MACROD2: variants seen among roughly 807,000 people sequenced by gnomAD.
MACROD2 encodes ADP-ribose glycohydrolase MACROD2.
A neutral mutation model predicts 70.4 loss-of-function variants in MACROD2; 36 were observed. The observed-to-expected ratio is 0.51, with a 90% CI of 0.39 to 0.68. MACROD2 has a LOEUF of 0.68. Among genes scored for constraint, MACROD2 ranks in the 30% least tolerant of loss-of-function variants. The pLI is 0.00. For missense variants in MACROD2, 496 were observed against 538.4 expected, an observed-to-expected ratio of 0.92 and a Z score of 0.78; for synonymous variants, 172 against 178.8, an observed-to-expected ratio of 0.96 and a Z score of 0.30.
rs577053814 is a variant in MACROD2 at position 15,765,578 on chromosome 20, A to G, written c.646-97167A>G. Among the ~76,000 whole-genome samples, 177 of 152,356 alleles carry G rather than the reference A, an allele frequency of 1.2e-3. 1 individual carries two copies. The highest frequency in any genetic ancestry group is 3.8e-3 in the African/African-American group (157 of 41,578). On this transcript the variant is annotated intron_variant, in intron 8 of 17. Coordinates refer to ENST00000684519, the MANE Select transcript of MACROD2 (RefSeq NM_001351661.2). ...GTGGGAAAGAATATTTTTATTTTTCAATCTATAAATACTATGATTATCCTT... is the reference window on the plus strand; with the variant it reads ...GTGGGAAAGAATATTTTTATTTTTCGATCTATAAATACTATGATTATCCTT...
intron 1 of MACROD2, among the ~76,000 whole-genome samples, chr20:14,001,120 G>C (rs900111771): frequency 6.6e-6 from 1 of 152,168 alleles, no homozygotes; most frequent in African/African-American, 2.4e-5. Context: ...ATAGGGTGTA[G>C]TCTTTGATTA....
chr20:14,283,019 G>A (rs573998665), intron 3 of MACROD2, among the ~76,000 whole-genome samples: 93 of 152,186 alleles, frequency 6.1e-4, no homozygotes, highest in Non-Finnish European at 1.2e-3. Context: ...ACAACTGTAG[G>A]GTCAGCCCAT....
intron 6 of MACROD2, among the ~76,000 whole-genome samples, chr20:15,379,095 C>G (rs1377583943): frequency 6.6e-6 from 1 of 152,116 alleles, no homozygotes; most frequent in Non-Finnish European, 1.5e-5. Flanking sequence ...AAATGTATTA[C>G]AAATAGTTAT....
chr20:15,769,719 A>G (rs2051589900), intron 8 of MACROD2, among the ~76,000 whole-genome samples: 1 of 152,212 alleles, frequency 6.6e-6, no homozygotes, highest in Non-Finnish European at 1.5e-5. Context: ...TATATGGCAC[A>G]TGACTATATA....
intron 15 of MACROD2, among the ~76,000 whole-genome samples, chr20:16,003,580 A>G (rs952995520): frequency 2.6e-5 from 4 of 152,194 alleles, no homozygotes. Context: ...AATGTGCATG[A>G]AATCACCTGA....
At chr20:14,156,694 A>G (rs1172141276) in intron 3 of MACROD2, among the ~76,000 whole-genome samples, 10 of 152,138 alleles carry the variant, frequency 6.6e-5, no homozygotes, top group Admixed American at 6.5e-4. Flanking sequence ...TTTCATCCAA[A>G]CTGAAATTAA....
chr20:14,752,460 T>C (rs2071886126), intron 5 of MACROD2, among the ~76,000 whole-genome samples: 1 of 152,060 alleles, frequency 6.6e-6, no homozygotes, highest in African/African-American at 2.4e-5. Context: ...AGTCCTGGAA[T>C]GTATCTGCTT....
intron 8 of MACROD2, among the ~76,000 whole-genome samples, chr20:15,532,459 T>A (rs1049240524): frequency 6.6e-6 from 1 of 152,060 alleles, no homozygotes; most frequent in African/African-American, 2.4e-5. Context: ...TTTAGCTACC[T>A]ATCTGAAATG....
At chr20:15,624,160 G>A (rs1189508849) in intron 8 of MACROD2, among the ~76,000 whole-genome samples, 3 of 152,184 alleles carry the variant, frequency 2.0e-5, no homozygotes, top group Non-Finnish European at 4.4e-5. Context: ...AAAGAACTTG[G>A]AGTCTGATGT....
At chr20:14,724,850 T>C (rs2071509431) in intron 5 of MACROD2, among the ~76,000 whole-genome samples, 1 of 152,106 alleles carries the variant, frequency 6.6e-6, no homozygotes, top group Non-Finnish European at 1.5e-5. Context: ...TGGAAGGTTG[T>C]GAGGAGGAAG....
At chr20:14,400,487 G>A (rs1831993886) in intron 3 of MACROD2, among the ~76,000 whole-genome samples, 1 of 152,158 alleles carries the variant, frequency 6.6e-6, no homozygotes, top group Admixed American at 6.5e-5. Context: ...AGGGGATACT[G>A]CCTGTAAATC....
intron 8 of MACROD2, among the ~76,000 whole-genome samples, chr20:15,514,246 A>G (rs982387749): frequency 2.6e-5 from 4 of 152,268 alleles, no homozygotes; most frequent in East Asian, 3.8e-4. Flanking sequence ...ACAACAGTGT[A>G]CAGTAATGAA....
chr20:15,605,786 C>T (rs1443944570), intron 8 of MACROD2, among the ~76,000 whole-genome samples: 1 of 152,116 alleles, frequency 6.6e-6, no homozygotes, highest in Non-Finnish European at 1.5e-5. Flanking sequence ...TTGTCTAGAG[C>T]CTCGTGAAAC....
chr20:15,673,718 T>C (rs1173311515), intron 8 of MACROD2, among the ~76,000 whole-genome samples: 1 of 152,012 alleles, frequency 6.6e-6, no homozygotes, highest in Non-Finnish European at 1.5e-5. Flanking sequence ...AGAAAAACTT[T>C]TGCATGCATT....
At chr20:14,898,280 A>G (rs2073854143) in intron 5 of MACROD2, among the ~76,000 whole-genome samples, 1 of 152,170 alleles carries the variant, frequency 6.6e-6, no homozygotes, top group Non-Finnish European at 1.5e-5. Context: ...AATTTAGGAT[A>G]ATAACCTTGG....
intron 8 of MACROD2, among the ~76,000 whole-genome samples, chr20:15,543,843 G>A (rs899854066): frequency 1.5e-4 from 23 of 152,292 alleles, no homozygotes; most frequent in Admixed American, 5.2e-4. Context: ...TCTTTTATCC[G>A]TTTCCCTGGG....
At chr20:15,590,780 T>C (rs1451196994) in intron 8 of MACROD2, among the ~76,000 whole-genome samples, 1 of 151,074 alleles carries the variant, frequency 6.6e-6, no homozygotes, top group Middle Eastern at 3.2e-3. Context: ...TCGGGAGGCA[T>C]GAGAATCGCT....
chr20:14,441,331 G>A lies in MACROD2; in HGVS notation c.272-52148G>A, dbSNP rs533266457. On this transcript the variant is annotated intron_variant, in intron 3 of 17. Transcript: ENST00000684519. ...ACAGCCAGCACTTCCTGGCAGCTGC[G>A]TCTTCATAAGTAATCCCAGGCAAGA... 7.9e-5 allele frequency among the ~76,000 whole-genome samples: 12 copies of A among 152,254 alleles called. No individual in the cohort carries two copies. The South Asian group carries it at 8.3e-4, about 11-fold the overall frequency.
intron 3 of MACROD2, among the ~76,000 whole-genome samples, chr20:14,176,026 C>T (rs1048172414): frequency 6.6e-6 from 1 of 152,128 alleles, no homozygotes; most frequent in Non-Finnish European, 1.5e-5. Context: ...AGTAGGGAAT[C>T]CAGCGATATG....
Sources: allele counts gnomAD v4.1 joint callset (sites outside exome capture counted in the v4.1 genomes callset), GRCh38; gene constraint gnomAD v4.1.1; transcripts MANE v1.5; gene names NCBI Gene and HGNC (gene_info 2026-07-23, HGNC 2026-07-21).